Variants in PRTG observed in about 807,000 individuals in gnomAD.
PRTG encodes the protein immunoglobulin superfamily, DCC subclass, member 5.
In PRTG, 67 loss-of-function variants were observed where a neutral mutation model predicts 122.5. The ratio of observed to expected loss-of-function variants is 0.55; its 90% CI spans 0.45 to 0.67. PRTG has a LOEUF of 0.67. Among genes scored for constraint, PRTG ranks in the 30% least tolerant of loss-of-function variants. The pLI, the probability that PRTG is intolerant of heterozygous loss-of-function variation, is 0.00. For synonymous variants in PRTG, 554 were observed against 501.1 expected (o/e 1.11, Z -1.41); for missense variants, 1,435 against 1,415.4 (o/e 1.01, Z -0.22).
chr15:55,631,289 T>G (rs759095012), intron 15 of PRTG, among the ~76,000 whole-genome samples: 2 of 152,176 alleles, frequency 1.3e-5, no homozygotes, highest in Non-Finnish European at 2.9e-5. Context: ...GGAAGAACAT[T>G]TCCATGTCTT....
intron 18 of PRTG, among the ~76,000 whole-genome samples, chr15:55,621,678 C>T (rs550656785): frequency 5.3e-5 from 8 of 151,934 alleles, no homozygotes; most frequent in Non-Finnish European, 1.0e-4. Flanking sequence ...CAAACAAACA[C>T]AAAACAGGTA....
rs565177470 is a variant in PRTG, at chr15:55,692,904, G to A, written c.398-8973C>T. Reference sequence around the variant, plus strand: ...TGCCCAGGCCGGAGTGCAGTCGTGCGATCTCAGCTCACTGCAACCTCTGTC... The same window carrying A: ...TGCCCAGGCCGGAGTGCAGTCGTGCAATCTCAGCTCACTGCAACCTCTGTC... On this transcript the variant is annotated intron_variant, in intron 2 of 19. Transcript: ENST00000389286. 3.6e-3 allele frequency among the ~76,000 whole-genome samples: 510 copies of A among 140,406 alleles called. 3 individuals are homozygous for A. Among genetic ancestry groups the A allele is most frequent in the African/African-American group, 0.013 (488 of 38,462 alleles). 92.1% of individuals were successfully genotyped at this position (140,406 alleles called of 152,430 possible).
intron 18 of PRTG, 143 bp from the exon 19 acceptor site, chr15:55,620,910 T>C (rs1213450977): frequency 1.6e-5 from 12 of 730,122 alleles, no homozygotes; most frequent in Admixed American, 6.9e-5. Flanking sequence ...AGGGAGTACA[T>C]GTGCATGTTT....
At position 55,638,623 on chromosome 15, in the gene PRTG, A is replaced by C. The variant is rs2059271395; in HGVS notation, c.2378T>G (p.Phe793Cys). 1.2e-6 allele frequency: 2 copies of C among 1,613,716 alleles called. No homozygotes were observed. Among genetic ancestry groups the C allele is most frequent in the Non-Finnish European group, 1.7e-6 (2 of 1,179,706 alleles). The change falls in exon 14 of 20, where the codon TTT becomes TGT. Residue 793 changes from phenylalanine (F) to cysteine (C), a missense_variant. Phe to Cys is a radical substitution (Grantham distance 205, BLOSUM62 -2). Transcript: ENST00000389286. ...QGLEPNTKYE[F>C]AVRLHVDQLS... Reference sequence around the variant, plus strand: ...CTGATCCACATGTAATCGAACGGCAAATTCGTATTTGGTGTTTGGTTCTAG... The same window carrying C: ...CTGATCCACATGTAATCGAACGGCACATTCGTATTTGGTGTTTGGTTCTAG...
At chr15:55,742,778 C>A in intron 1 of PRTG, 60 bp downstream of exon 1, 1 of 1,532,518 alleles carries the variant, frequency 6.5e-7, no homozygotes, top group Non-Finnish European at 8.8e-7. Context: ...CTTTCCCCAT[C>A]CCACTCGCGC....
At chr15:55,735,032 CTTTCT>C (rs1456951446) in intron 2 of PRTG, among the ~76,000 whole-genome samples, 3 of 152,080 alleles carry the variant, frequency 2.0e-5, no homozygotes, top group South Asian at 2.1e-4. Context: ...CTTCCTTTTC[CTTTCT>C]TATTTACCAA....
intron 2 of PRTG, among the ~76,000 whole-genome samples, chr15:55,699,486 G>C (rs1350465699): frequency 6.6e-6 from 1 of 152,078 alleles, no homozygotes; most frequent in Non-Finnish European, 1.5e-5. Flanking sequence ...CTCACAATTG[G>C]CTATGATGGC....
chr15:55,632,982 G>A (rs1220794167), intron 15 of PRTG, among the ~76,000 whole-genome samples: 1 of 152,190 alleles, frequency 6.6e-6, no homozygotes, highest in East Asian at 1.9e-4. Flanking sequence ...GAGTTAAATG[G>A]ATTCCTTTAT....
chr15:55,683,365 T>C (rs1639611912), intron 3 of PRTG, among the ~76,000 whole-genome samples: 2 of 152,062 alleles, frequency 1.3e-5, no homozygotes, highest in Admixed American at 1.3e-4. Flanking sequence ...GCATGTGTGC[T>C]TGTGTGTGCA....
chr15:55,672,401 A>G (rs377210173), intron 11 of PRTG, 44 bp downstream of exon 11: 19 of 1,497,458 alleles, frequency 1.3e-5, no homozygotes, highest in Admixed American at 1.0e-4. Flanking sequence ...GCAGTTTGTC[A>G]GAGAGGAAGG....
intron 2 of PRTG, among the ~76,000 whole-genome samples, chr15:55,706,698 C>T (rs916456431): frequency 3.3e-5 from 5 of 151,566 alleles, no homozygotes; most frequent in Admixed American, 2.0e-4. Flanking sequence ...CCCAGGAGTT[C>T]GACGTTACAG....
chr15:55,738,638 G>A (rs1371323927), intron 2 of PRTG: 3 of 617,010 alleles, frequency 4.9e-6, no homozygotes, highest in Non-Finnish European at 2.9e-6. Context: ...AGCATAAAAA[G>A]CACACTATCT....
intron 2 of PRTG, among the ~76,000 whole-genome samples, chr15:55,726,946 G>A (rs1235933624): frequency 1.1e-4 from 9 of 84,824 alleles, no homozygotes; most frequent in African/African-American, 3.9e-4. Context: ...GTAAGAGTCC[G>A]TCTCAAAAAA....
intron 4 of PRTG, 60 bp downstream of exon 4, chr15:55,682,304 A>C: frequency 1.5e-6 from 2 of 1,360,350 alleles, no homozygotes; most frequent in South Asian, 3.7e-5. Context: ...GCAGAGGAGA[A>C]GAAGTAACAA....
intron 17 of PRTG, 133 bp downstream of exon 17, chr15:55,626,875 G>T: frequency 1.5e-6 from 1 of 647,642 alleles, no homozygotes; most frequent in Non-Finnish European, 2.4e-6. Context: ...AGAACTCAGG[G>T]AACAATACTG....
At chr15:55,665,299 T>A (rs1214525246) in intron 11 of PRTG, among the ~76,000 whole-genome samples, 2 of 151,746 alleles carry the variant, frequency 1.3e-5, no homozygotes, top group African/African-American at 4.8e-5. Flanking sequence ...AAACCTAATG[T>A]CAAAATTCCT....
At position 55,637,166 on chromosome 15, in the gene PRTG, T is replaced by G. The variant is rs1304280072; in HGVS notation, c.2623+4A>C. On this transcript the variant is annotated splice_donor_region_variant and intron_variant, in intron 15 of 19. Transcript: ENST00000389286. The stretch of plus-strand genomic sequence containing the variant: ...CACCCTTCATGGCAATTTATGATAT[T>G]TACCTTCACGGTGTAAGACCTGCCA... The G allele has an allele frequency of 6.5e-7, 1 of 1,534,728 alleles. No individual in the cohort carries two copies. The highest frequency in any genetic ancestry group is 1.3e-5 in the South Asian group (1 of 78,014).
chr15:55,692,722 TAA>T (rs1181600250), intron 2 of PRTG, among the ~76,000 whole-genome samples: 1 of 151,718 alleles, frequency 6.6e-6, no homozygotes, highest in Non-Finnish European at 1.5e-5. Context: ...ATTTTTTCAC[TAA>T]TGGCTCATAC....
rs1279684446 is a variant in PRTG at position 55,738,880 on chromosome 15, G to A, written c.397+1502C>T. On this transcript the variant is annotated intron_variant, in intron 2 of 19. Transcript: ENST00000389286. Reference sequence around the variant, plus strand: ...AGGGGAGGGAAGGAAGGGACAGGAGGAAAAGACAGAGGAAGGAAGGGGGAA... The same window carrying A: ...AGGGGAGGGAAGGAAGGGACAGGAGAAAAAGACAGAGGAAGGAAGGGGGAA... 8.6e-5 allele frequency among the ~76,000 whole-genome samples: 11 copies of A among 127,526 alleles called. 1 individual carries two copies. The highest frequency in any genetic ancestry group is 3.3e-4 in the African/African-American group (11 of 33,424). 83.7% of individuals were successfully genotyped at this position (127,526 alleles called of 152,430 possible). A position where few individuals can be genotyped will look rare whatever the true frequency, so the allele number is the denominator to read the frequency against.
Sources: allele counts gnomAD v4.1 joint callset (sites outside exome capture counted in the v4.1 genomes callset), GRCh38; gene constraint gnomAD v4.1.1; transcripts MANE v1.5; gene names NCBI Gene and HGNC (gene_info 2026-07-23, HGNC 2026-07-21).